Variants in CPNE1 observed in about 807,000 individuals in gnomAD.
The protein encoded by CPNE1 is copine-1.
A neutral mutation model predicts 63.2 loss-of-function variants in CPNE1; 58 were observed. That is an observed-to-expected ratio of 0.92 (90% CI 0.74 to 1.14). The LOEUF (loss-of-function observed/expected upper bound fraction) is 1.14, where lower values mean the gene tolerates loss of function less well. Among genes scored for constraint, CPNE1 ranks in the 50% most tolerant of loss-of-function variants. The pLI is 0.00. For missense variants in CPNE1, 672 were observed against 661.7 expected (o/e 1.02, Z -0.17); for synonymous variants, 237 against 249.0 (o/e 0.95, Z 0.45).
intron 1 of CPNE1, chr20:35,654,670 G>A (rs913176856): frequency 1.2e-6 from 2 of 1,613,434 alleles, no homozygotes; most frequent in African/African-American, 1.3e-5. Context: ...AGGCACAGGA[G>A]GCAATGTAGG....
intron 1 of CPNE1, chr20:35,653,200 A>G: frequency 6.2e-7 from 1 of 1,613,532 alleles, no homozygotes. Context: ...TCCTACAGTC[A>G]GGAAGGCATG....
At position 35,632,794 on chromosome 20, in the gene CPNE1, C is replaced by T. The variant is rs773792754; in HGVS notation, c.129+1G>A. The T allele has an allele frequency of 1.1e-6, 1 of 872,026 alleles. No homozygotes were observed. The highest frequency in any genetic ancestry group is 2.0e-6 in the Non-Finnish European group (1 of 501,254). The allele number at this position is 872,026 out of a possible 1,614,324, so 54.0% of individuals were successfully genotyped here. A position where few individuals can be genotyped will look rare whatever the true frequency, so the allele number is the denominator to read the frequency against. ...ACCTTAACCTCCATAATCCGCCTCA[C>T]CTCAGCCCAGCTGCCCCCTCCCACA... On this transcript the variant is annotated splice_donor_variant, in intron 2 of 15. Coordinates refer to ENST00000397443, the MANE Select transcript of CPNE1 (RefSeq NM_152925.3). LOFTEE classifies it high-confidence loss of function.
At chr20:35,653,318 CGGGAAGTCCTGCACT>C (rs2033668097) in intron 1 of CPNE1, 1 of 1,613,688 alleles carries the variant, frequency 6.2e-7, no homozygotes. Flanking sequence ...AGGCCTGCAC[CGGGAAGTCCTGCACT>C]GGGCAGTCCC....
chr20:35,626,485 G>A, intron 15 of CPNE1, 82 bp downstream of exon 15: 2 of 1,588,502 alleles, frequency 1.3e-6, no homozygotes, highest in East Asian at 2.2e-5. Context: ...AGGAAAAGGT[G>A]AGCATCCCTT....
rs747556335 is a variant in CPNE1, at chr20:35,632,662, C to T, written c.164G>A (p.Ser55Asn). 5.3e-6 allele frequency: 7 copies of T among 1,310,116 alleles called. No individual in the cohort carries two copies. In the East Asian group the frequency reaches 1.4e-4, roughly 26 times the overall value. 81.2% of individuals were successfully genotyped at this position (1,310,116 alleles called of 1,614,324 possible). Reference sequence around the variant, plus strand: ...CTGTAGAGTCTTGGAGAACTCAGGGCTTGAGCAGTTCCGCACCCGTTCAGT... The same window carrying T: ...CTGTAGAGTCTTGGAGAACTCAGGGTTTGAGCAGTTCCGCACCCGTTCAGT... ...GRTERVRNCS[S>N]PEFSKTLQLE... is the part of the protein sequence containing the mutation. Residue 55 changes from serine to asparagine, a missense_variant, in exon 3 of 16, where the codon AGC becomes AAC. Transcript: ENST00000397443.
intron 1 of CPNE1, among the ~76,000 whole-genome samples, chr20:35,633,182 AC>A (rs1197587472): frequency 1.3e-5 from 2 of 152,206 alleles, no homozygotes; most frequent in Admixed American, 6.5e-5. Flanking sequence ...TCCATCTACA[AC>A]TGTGACCCCA....
chr20:35,627,760 G>C (rs1227505423), intron 13 of CPNE1, among the ~76,000 whole-genome samples: 1 of 152,132 alleles, frequency 6.6e-6, no homozygotes. Flanking sequence ...AGAAGGGAAA[G>C]CTCCTAATAA....
At chr20:35,659,770 A>T (rs1199318009) in intron 1 of CPNE1, among the ~76,000 whole-genome samples, 1 of 152,226 alleles carries the variant, frequency 6.6e-6, no homozygotes, top group African/African-American at 2.4e-5. Flanking sequence ...CATTTCTTCC[A>T]AACTGGTGAG....
At chr20:35,628,953 G>A (rs549820157) in intron 13 of CPNE1, among the ~76,000 whole-genome samples, 2 of 152,350 alleles carry the variant, frequency 1.3e-5, no homozygotes, top group Admixed American at 1.3e-4. Context: ...GCAAACCTGA[G>A]GCAGGGCTAT....
At position 35,631,520 on chromosome 20, in the gene CPNE1, G is replaced by A. The variant is rs759388915; in HGVS notation, c.686C>T (p.Thr229Ile). 3 of 1,614,048 alleles carry A rather than the reference G, an allele frequency of 1.9e-6. No homozygotes were observed. The highest frequency in any genetic ancestry group is 1.1e-5 in the South Asian group (1 of 91,074). The change falls in exon 8 of 16, where the codon ACC becomes ATC. Residue 229 changes from threonine to isoleucine, a missense_variant. Thr to Ile is a moderately conservative substitution (Grantham distance 89). Coordinates refer to ENST00000397443, the MANE Select transcript of CPNE1 (RefSeq NM_152925.3). Reference protein sequence around the residue: ...GSHDLIGTFHTSLAQLQAVPA... With the variant: ...GSHDLIGTFHISLAQLQAVPA... ...GACTGCCTGCAGCTGGGCCAAGCTGGTGTGGAAGGTACCGATGAGATCATG... is the reference window on the plus strand; with the variant it reads ...GACTGCCTGCAGCTGGGCCAAGCTGATGTGGAAGGTACCGATGAGATCATG...
intron 1 of CPNE1, among the ~76,000 whole-genome samples, chr20:35,640,836 G>A (rs1342082189): frequency 6.6e-6 from 1 of 152,106 alleles, no homozygotes; most frequent in Non-Finnish European, 1.5e-5. Flanking sequence ...ATCTAGCTCT[G>A]ACCTGCTACT....
At chr20:35,645,961 G>C (rs750201988) in intron 1 of CPNE1, among the ~76,000 whole-genome samples, 4 of 151,896 alleles carry the variant, frequency 2.6e-5, no homozygotes, top group Non-Finnish European at 4.4e-5. Flanking sequence ...AAGAAACTGA[G>C]GCCAGGCATA....
chr20:35,630,370 CT>C (rs1282266203), intron 13 of CPNE1, 68 bp downstream of exon 13: 5 of 1,291,390 alleles, frequency 3.9e-6, no homozygotes, highest in Admixed American at 1.8e-5. Context: ...CCCACTCTCC[CT>C]TTTACTCATG....
chr20:35,651,957 A>C (rs1157397920), intron 1 of CPNE1: 1 of 152,556 alleles, frequency 6.6e-6, no homozygotes, highest in Non-Finnish European at 1.5e-5. Context: ...CAAAGCAGCA[A>C]CTTCTGAAGC....
intron 1 of CPNE1, among the ~76,000 whole-genome samples, chr20:35,657,441 G>A (rs2033963981): frequency 6.6e-6 from 1 of 152,144 alleles, no homozygotes; most frequent in Non-Finnish European, 1.5e-5. Context: ...AACATCATGG[G>A]CAATCCAGGT....
chr20:35,655,585 A>G (rs930873443), intron 1 of CPNE1, among the ~76,000 whole-genome samples: 5 of 152,230 alleles, frequency 3.3e-5, no homozygotes, highest in Admixed American at 2.0e-4. Context: ...CCAAGACTCA[A>G]AAAGTTCAAG....
At chr20:35,629,886 T>G (rs2032002134) in intron 13 of CPNE1, among the ~76,000 whole-genome samples, 2 of 151,482 alleles carry the variant, frequency 1.3e-5, no homozygotes. Flanking sequence ...CTCAAATTCC[T>G]GGGCTCAAGC....
intron 1 of CPNE1, among the ~76,000 whole-genome samples, chr20:35,659,464 A>C (rs1400390112): frequency 6.6e-6 from 1 of 152,236 alleles, no homozygotes; most frequent in Non-Finnish European, 1.5e-5. Flanking sequence ...ATTCAAGGGT[A>C]CTCATGGAAA....
At chr20:35,637,930 T>C (rs1227897058) in intron 1 of CPNE1, among the ~76,000 whole-genome samples, 1 of 152,142 alleles carries the variant, frequency 6.6e-6, no homozygotes, top group African/African-American at 2.4e-5. Flanking sequence ...TCCCTCCTTA[T>C]ACACTACAGA....
Sources: gnomAD v4.1 joint callset for allele counts (sites outside exome capture counted in the v4.1 genomes callset) on GRCh38, gnomAD v4.1.1 for gene constraint, MANE v1.5 for transcripts, NCBI Gene and HGNC (gene_info 2026-07-23, HGNC 2026-07-21) for gene names.